SYT16: variants seen among roughly 807,000 people sequenced by gnomAD.
SYT16 encodes the protein synaptotagmin 16.
Under a neutral mutation model 61.4 loss-of-function variants are expected in SYT16, and 42 were observed. The observed-to-expected ratio is 0.68, with a 90% CI of 0.53 to 0.89. The LOEUF (loss-of-function observed/expected upper bound fraction) is 0.89. SYT16 is among the 40% of genes least tolerant of loss of function. The pLI, the probability that SYT16 is intolerant of heterozygous loss-of-function variation, is 0.00. For missense variants in SYT16, 804 were observed against 807.3 expected (o/e 1.00, Z 0.05); for synonymous variants, 314 against 302.3 (o/e 1.04, Z -0.40).
rs765678840 is a variant in SYT16, at chr14:61,996,495, A to G, written c.476A>G (p.Asp159Gly). 4 of 1,612,822 alleles carry G rather than the reference A, an allele frequency of 2.5e-6. No individual in the cohort carries two copies. The African/African-American group carries it at 5.3e-5, about 22-fold the overall frequency. Residue 159 changes from aspartate to glycine, a missense_variant, in exon 3 of 8, where the codon GAC (aspartate) becomes GGC (glycine). Transcript: ENST00000683842. ...AGAAGTGGCCTTCAACATGGCTTTGACAGCCAGCTCCCTGGTACTTTAGAA... is the reference window on the plus strand; with the variant it reads ...AGAAGTGGCCTTCAACATGGCTTTGGCAGCCAGCTCCCTGGTACTTTAGAA... ...KQRSGLQHGF[D>G]SQLPGTLETV...
At chr14:62,071,024 G>T (rs2056279022) in intron 4 of SYT16, among the ~76,000 whole-genome samples, 1 of 152,106 alleles carries the variant, frequency 6.6e-6, no homozygotes, top group Non-Finnish European at 1.5e-5. Flanking sequence ...GGAATAACTT[G>T]CTATCCATCA....
chr14:62,016,892 A>G (rs2053708026), intron 3 of SYT16, among the ~76,000 whole-genome samples: 1 of 152,166 alleles, frequency 6.6e-6, no homozygotes, highest in African/African-American at 2.4e-5. Flanking sequence ...CAGGGACCCC[A>G]TATTATTACT....
chr14:61,874,494 A>C (rs181350077), intron 1 of SYT16, among the ~76,000 whole-genome samples: 174 of 152,334 alleles, frequency 1.1e-3, no homozygotes, highest in Non-Finnish European at 1.8e-3. Flanking sequence ...ACAACTGTAC[A>C]TACACAATAT....
intron 3 of SYT16, 142 bp downstream of exon 3, chr14:61,996,684 A>G (rs1417865389): frequency 5.7e-6 from 6 of 1,053,494 alleles, no homozygotes; most frequent in South Asian, 1.8e-5. Flanking sequence ...TGATTGAGAG[A>G]TATAATCCTT....
chr14:61,817,968 A>C (rs200227256), intron 1 of SYT16, among the ~76,000 whole-genome samples: 1 of 152,214 alleles, frequency 6.6e-6, no homozygotes, highest in East Asian at 1.9e-4. Flanking sequence ...CTGTTCTTGC[A>C]GCTTTTCTGC....
chr14:61,876,344 A>G (rs2047492562), intron 1 of SYT16, among the ~76,000 whole-genome samples: 3 of 152,222 alleles, frequency 2.0e-5, no homozygotes, highest in Admixed American at 6.5e-5. Context: ...AGTTCATTGC[A>G]TTTGCTTTCT....
At chr14:61,980,960 T>TTGTGTG (rs3081455) in intron 2 of SYT16, among the ~76,000 whole-genome samples, 1 of 149,112 alleles carries the variant, frequency 6.7e-6, no homozygotes, top group Admixed American at 6.7e-5. Flanking sequence ...GTGTGTGTGT[T>TTGTGTG]TGTGTGTGTG....
chr14:61,859,209 A>G (rs1347163919), intron 1 of SYT16, among the ~76,000 whole-genome samples: 3 of 152,150 alleles, frequency 2.0e-5, no homozygotes, highest in South Asian at 2.1e-4. Context: ...CGAGCTGCAG[A>G]CGTAGACAGC....
chr14:61,865,550 G>T (rs2047121550), intron 1 of SYT16, among the ~76,000 whole-genome samples: 2 of 152,182 alleles, frequency 1.3e-5, no homozygotes, highest in Non-Finnish European at 2.9e-5. Flanking sequence ...CAGTACTAAG[G>T]TGACTGGTAT....
Position 61,843,375 on chromosome 14 carries a change from G to T in SYT16, c.-325+30565G>T, listed in dbSNP as rs182256362. ...GAGTTATTTCTTAACTTTGTTGATT[G>T]TTTCCTTTGCTGTACAGAAGCTTTT... On this transcript the variant is annotated intron_variant, in intron 1 of 7. Transcript: ENST00000683842. Among the ~76,000 whole-genome samples, 4 of 152,238 alleles carry T rather than the reference G, an allele frequency of 2.6e-5. No homozygotes were observed. In the East Asian group the frequency reaches 7.7e-4, roughly 29 times the overall value.
chr14:61,829,551 T>A (rs1187507880), intron 1 of SYT16, among the ~76,000 whole-genome samples: 1 of 152,186 alleles, frequency 6.6e-6, no homozygotes, highest in African/African-American at 2.4e-5. Context: ...ATATTAGATT[T>A]TTTTTTGGTT....
chr14:61,963,596 A>G (rs983582298), intron 1 of SYT16, among the ~76,000 whole-genome samples: 1 of 152,182 alleles, frequency 6.6e-6, no homozygotes, highest in Admixed American at 6.6e-5. Flanking sequence ...CAAGGAAAAA[A>G]GCCATCCCCA....
At chr14:61,911,919 C>T (rs756298537) in intron 1 of SYT16, among the ~76,000 whole-genome samples, 4 of 152,048 alleles carry the variant, frequency 2.6e-5, no homozygotes, top group South Asian at 2.1e-4. Context: ...GTGCAAAAAG[C>T]GCAGTTACGG....
At chr14:62,093,446 T>C (rs1032843087) in intron 7 of SYT16, among the ~76,000 whole-genome samples, 15 of 151,888 alleles carry the variant, frequency 9.9e-5, no homozygotes, top group African/African-American at 3.6e-4. Flanking sequence ...TAGATTAAGG[T>C]CTCTCTCTTT....
At chr14:61,854,721 G>A (rs1335316549) in intron 1 of SYT16, among the ~76,000 whole-genome samples, 3 of 152,178 alleles carry the variant, frequency 2.0e-5, no homozygotes, top group East Asian at 1.9e-4. Flanking sequence ...AGAAACATAC[G>A]CATCACTCGT....
chr14:62,091,719 GACCTAAATATAAC>G (rs1363582630), intron 7 of SYT16, among the ~76,000 whole-genome samples: 1 of 152,182 alleles, frequency 6.6e-6, no homozygotes, highest in African/African-American at 2.4e-5. Context: ...ATGGATGAAA[GACCTAAATATAAC>G]ACCTAAAACT....
chr14:62,035,331 T>C (rs1426885208), intron 3 of SYT16, among the ~76,000 whole-genome samples: 1 of 152,236 alleles, frequency 6.6e-6, no homozygotes, highest in Admixed American at 6.5e-5. Context: ...TTGTGCTGTG[T>C]ACTGCTTTGA....
chr14:61,943,783 A>G (rs1375393089), intron 1 of SYT16, among the ~76,000 whole-genome samples: 1 of 152,242 alleles, frequency 6.6e-6, no homozygotes, highest in Admixed American at 6.5e-5. Context: ...GTCATATTGA[A>G]TGGGCAAAAT....
At chr14:62,046,278 C>T (rs1159331522) in intron 3 of SYT16, among the ~76,000 whole-genome samples, 46 of 151,982 alleles carry the variant, frequency 3.0e-4, no homozygotes, top group East Asian at 9.6e-4. Context: ...TCATATCCTT[C>T]GCCCACTTTT....
Sources: allele counts gnomAD v4.1 joint callset (sites outside exome capture counted in the v4.1 genomes callset), GRCh38; gene constraint gnomAD v4.1.1; transcripts MANE v1.5; gene names NCBI Gene and HGNC (gene_info 2026-07-23, HGNC 2026-07-21).